The following MAD1L1 variants were observed in gnomAD, a reference collection of about 807,000 sequenced individuals.
The protein encoded by MAD1L1 is mitotic arrest deficient 1 like 1.
A neutral mutation model predicts 96.9 loss-of-function variants in MAD1L1; 95 were observed. The observed-to-expected ratio is 0.98, with a 90% CI of 0.83 to 1.16. The LOEUF is 1.16. MAD1L1 is among the 50% of genes most tolerant of loss of function. The pLI is 0.00. For synonymous variants in MAD1L1, 473 were observed against 396.6 expected (o/e 1.19, Z -2.29); for missense variants, 1,007 against 954.4 (o/e 1.06, Z -0.73).
chr7:2,202,239 A>ACGGAAAACC (rs1792350142), intron 10 of MAD1L1: 1 of 152,406 alleles, frequency 6.6e-6, no homozygotes, highest in African/African-American at 2.4e-5. Flanking sequence ...GGATGCGTTT[A>ACGGAAAACC]CGGAAAACCA....
At chr7:1,915,910 C>T (rs964236713) in intron 17 of MAD1L1, among the ~76,000 whole-genome samples, 3 of 152,270 alleles carry the variant, frequency 2.0e-5, no homozygotes, top group African/African-American at 7.2e-5. Context: ...AAAAGTGATT[C>T]GTTATACTTC....
At chr7:1,825,724 C>T (rs1490609391) in intron 18 of MAD1L1, among the ~76,000 whole-genome samples, 4 of 152,232 alleles carry the variant, frequency 2.6e-5, no homozygotes, top group Admixed American at 6.5e-5. Flanking sequence ...TTCCCTAAAA[C>T]GTCTCAGGGG....
At chr7:2,165,459 G>A (rs922127336) in intron 10 of MAD1L1, among the ~76,000 whole-genome samples, 3 of 152,066 alleles carry the variant, frequency 2.0e-5, no homozygotes, top group African/African-American at 2.4e-5. Flanking sequence ...ATGAACCCAC[G>A]GTCACACTCT....
chr7:2,219,547 G>A (rs747140148), intron 5 of MAD1L1, 91 bp from the exon 6 acceptor site: 19 of 1,410,452 alleles, frequency 1.3e-5, no homozygotes, highest in East Asian at 1.2e-4. Context: ...GTGGAGAGGC[G>A]ACACCACCCA....
intron 3 of MAD1L1, 142 bp from the exon 4 acceptor site, chr7:2,225,692 G>T: frequency 2.3e-6 from 2 of 884,968 alleles, no homozygotes; most frequent in Non-Finnish European, 1.7e-6. Context: ...CAGCCACTGG[G>T]CTCCAGGCTG....
intron 11 of MAD1L1, among the ~76,000 whole-genome samples, chr7:2,133,761 C>T (rs1469232084): frequency 6.6e-6 from 1 of 152,208 alleles, no homozygotes; most frequent in East Asian, 1.9e-4. Context: ...TCCCCTGTGG[C>T]TGTTCCGCTG....
chr7:1,909,877 G>A (rs1787905828), intron 17 of MAD1L1, among the ~76,000 whole-genome samples: 1 of 152,194 alleles, frequency 6.6e-6, no homozygotes, highest in Admixed American at 6.5e-5. Context: ...CTGCTCCAGT[G>A]AGAAGACACT....
At chr7:2,118,948 T>C (rs1787849709) in intron 11 of MAD1L1, among the ~76,000 whole-genome samples, 1 of 152,132 alleles carries the variant, frequency 6.6e-6, no homozygotes, top group African/African-American at 2.4e-5. Flanking sequence ...AGTGCAGACC[T>C]GGAGCTGAGA....
chr7:2,157,523 TG>T (rs1010612604), intron 10 of MAD1L1, among the ~76,000 whole-genome samples: 32 of 152,076 alleles, frequency 2.1e-4, no homozygotes, highest in African/African-American at 7.7e-4. Flanking sequence ...CTCTGCTCAG[TG>T]CAGCACAGGC....
intron 12 of MAD1L1, among the ~76,000 whole-genome samples, chr7:2,033,351 G>T (rs948786536): frequency 6.6e-6 from 1 of 152,206 alleles, no homozygotes; most frequent in East Asian, 1.9e-4. Context: ...AAGGAAACAA[G>T]ATGGATACTC....
intron 10 of MAD1L1, among the ~76,000 whole-genome samples, chr7:2,197,857 A>G (rs2114944649): frequency 6.6e-6 from 1 of 151,486 alleles, no homozygotes; most frequent in East Asian, 2.0e-4. Context: ...AGAGTTCACA[A>G]CCCCTCCCTG....
intron 10 of MAD1L1, among the ~76,000 whole-genome samples, chr7:2,197,766 C>G (rs1792070088): frequency 6.6e-6 from 1 of 152,262 alleles, no homozygotes; most frequent in South Asian, 2.1e-4. Context: ...CCTCTAGGAG[C>G]CATGCAGGCC....
At chr7:2,201,651 A>G (rs1214411778) in intron 10 of MAD1L1, among the ~76,000 whole-genome samples, 1 of 152,206 alleles carries the variant, frequency 6.6e-6, no homozygotes, top group African/African-American at 2.4e-5. Context: ...AAAAGCCCCA[A>G]AAAGAGCTCC....
At chr7:1,887,726 CATGT>C (rs1786178457) in intron 18 of MAD1L1, among the ~76,000 whole-genome samples, 3 of 139,510 alleles carry the variant, frequency 2.2e-5, no homozygotes, top group East Asian at 2.2e-4. Context: ...TGCATACATG[CATGT>C]ATGTGGCTTC....
chr7:1,858,349 CAG>C (rs1225382841), intron 18 of MAD1L1, among the ~76,000 whole-genome samples: 6 of 152,246 alleles, frequency 3.9e-5, no homozygotes, highest in Admixed American at 6.5e-5. Flanking sequence ...CTGGGCATGA[CAG>C]GGGATGAATG....
At chr7:2,066,540 G>C (rs970685858) in intron 12 of MAD1L1, among the ~76,000 whole-genome samples, 2 of 152,246 alleles carry the variant, frequency 1.3e-5, no homozygotes, top group African/African-American at 4.8e-5. Context: ...TCGGGGTGAG[G>C]CTGGCGCGGG....
chr7:2,134,999 C>T (rs143482278), intron 11 of MAD1L1, among the ~76,000 whole-genome samples: 1 of 152,342 alleles, frequency 6.6e-6, no homozygotes, highest in African/African-American at 2.4e-5. Context: ...GACACCTTCC[C>T]AGACATTCAA....
chr7:2,155,505 A>G (rs569474581), intron 10 of MAD1L1, among the ~76,000 whole-genome samples: 3 of 152,164 alleles, frequency 2.0e-5, no homozygotes, highest in African/African-American at 7.2e-5. Context: ...CCACCTCCAT[A>G]CTACCTTCCG....
intron 12 of MAD1L1, among the ~76,000 whole-genome samples, chr7:2,044,388 G>C (rs555566102): frequency 5.9e-5 from 9 of 152,324 alleles, no homozygotes; most frequent in Admixed American, 5.2e-4. Flanking sequence ...GGACGCTCCT[G>C]CCACAAAGCA....
Sources: gnomAD v4.1 joint callset for allele counts (sites outside exome capture counted in the v4.1 genomes callset) on GRCh38, gnomAD v4.1.1 for gene constraint, MANE v1.5 for transcripts, NCBI Gene and HGNC (gene_info 2026-07-23, HGNC 2026-07-21) for gene names.